MYO9B: variants seen among roughly 807,000 people sequenced by gnomAD.
MYO9B encodes the protein unconventional myosin-IXb.
A neutral mutation model predicts 229.5 loss-of-function variants in MYO9B; 71 were observed. The observed-to-expected ratio is 0.31, with a 90% CI of 0.26 to 0.38. The LOEUF (loss-of-function observed/expected upper bound fraction) is 0.38. Among genes scored for constraint, MYO9B ranks in the 10% least tolerant of loss-of-function variants. MYO9B has a pLI of 1.00. For synonymous variants in MYO9B, 1,185 were observed against 1,235.8 expected (o/e 0.96, Z 0.86); for missense variants, 2,255 against 2,920.5 (o/e 0.77, Z 5.25).
chr19:17,176,916 G>T (rs1374183664), intron 14 of MYO9B, among the ~76,000 whole-genome samples: 1 of 152,178 alleles, frequency 6.6e-6, no homozygotes, highest in Non-Finnish European at 1.5e-5. Flanking sequence ...AAGTGAGCAG[G>T]CTGGCCAGAC....
chr19:17,099,739 A>G lies in MYO9B; in HGVS notation c.-58-1921A>G, dbSNP rs539276502. Among the ~76,000 whole-genome samples, 11 of 149,974 alleles carry G rather than the reference A, an allele frequency of 7.3e-5. No homozygotes were observed. The South Asian group carries it at 2.4e-3, about 32-fold the overall frequency. On this transcript the variant is annotated intron_variant, in intron 1 of 39. Transcript: ENST00000682292. ...AGGCTGAGGCAGGAGAATGGCGTGA[A>G]CCCGGGAGGCGGAGCTTGCAGTGAG...
Position 17,154,084 on chromosome 19 carries a change from C to T in MYO9B, c.1098+18C>T, listed in dbSNP as rs373714530. 47 of 1,584,632 alleles carry T rather than the reference C, an allele frequency of 3.0e-5. 1 individual carries two copies. The highest frequency in any genetic ancestry group is 2.8e-4 in the South Asian group (25 of 89,708). Reference sequence around the variant, plus strand: ...TCAACCAGGTAAACAGCCTCAAGCCCGAGCCACAAACGCCACCTCTGTTCC... The same window carrying T: ...TCAACCAGGTAAACAGCCTCAAGCCTGAGCCACAAACGCCACCTCTGTTCC... On this transcript the variant is annotated intron_variant, in intron 5 of 39. Coordinates refer to ENST00000682292, the MANE Select transcript of MYO9B (RefSeq NM_004145.4).
intron 11 of MYO9B, among the ~76,000 whole-genome samples, chr19:17,169,313 A>C (rs1018068491): frequency 7.0e-6 from 1 of 143,614 alleles, no homozygotes; most frequent in Admixed American, 7.4e-5. Flanking sequence ...CGGAGGTTGC[A>C]GTGAGCGGAG....
intron 2 of MYO9B, among the ~76,000 whole-genome samples, chr19:17,105,718 A>G (rs2057786750): frequency 6.6e-6 from 1 of 152,222 alleles, no homozygotes; most frequent in South Asian, 2.1e-4. Context: ...GAGGGCTGCC[A>G]TGCAAATTCA....
At chr19:17,077,583 T>C (rs1213326638) in intron 1 of MYO9B, among the ~76,000 whole-genome samples, 1 of 152,178 alleles carries the variant, frequency 6.6e-6, no homozygotes, top group Non-Finnish European at 1.5e-5. Flanking sequence ...GGGAGCACTG[T>C]GTTGGAGATC....
chr19:17,117,387 T>C (rs1029808343), intron 2 of MYO9B, among the ~76,000 whole-genome samples: 1 of 152,212 alleles, frequency 6.6e-6, no homozygotes, highest in African/African-American at 2.4e-5. Flanking sequence ...AACCAGCTCC[T>C]GAAACCAGTC....
chr19:17,202,406 AC>A (rs1304037038), intron 28 of MYO9B, 103 bp downstream of exon 28: 55 of 1,170,552 alleles, frequency 4.7e-5, no homozygotes, highest in Non-Finnish European at 6.5e-5. Flanking sequence ...CTTATGCCAC[AC>A]CCACCCATGC....
At position 17,167,154 on chromosome 19, in the gene MYO9B, G is replaced by A. The variant is rs138659611; in HGVS notation, c.1672-789G>A. 1.3e-3 allele frequency among the ~76,000 whole-genome samples: 197 copies of A among 150,112 alleles called. 1 individual carries two copies. Among genetic ancestry groups the A allele is most frequent in the Middle Eastern group, 7.1e-3 (2 of 282 alleles). On this transcript the variant is annotated intron_variant, in intron 10 of 39. Coordinates refer to ENST00000682292, the MANE Select transcript of MYO9B (RefSeq NM_004145.4). The stretch of plus-strand genomic sequence containing the variant: ...CAAAATCTGAAATGCTTCAATGAGC[G>A]TTGTCTTTGAGCATCACATAACATT...
chr19:17,159,976 C>T (rs1336146629), intron 8 of MYO9B, among the ~76,000 whole-genome samples: 10 of 152,140 alleles, frequency 6.6e-5, no homozygotes, highest in Admixed American at 6.6e-4. Flanking sequence ...ACACTGACTA[C>T]CCTTATGTAA....
intron 1 of MYO9B, among the ~76,000 whole-genome samples, chr19:17,083,159 C>G (rs993508508): frequency 2.0e-5 from 3 of 151,672 alleles, no homozygotes; most frequent in African/African-American, 7.3e-5. Context: ...CTCATTCTCC[C>G]TAGTAGCTTG....
At chr19:17,151,749 TCTACAAAAA>T (rs1043944175) in intron 3 of MYO9B, among the ~76,000 whole-genome samples, 7 of 152,086 alleles carry the variant, frequency 4.6e-5, no homozygotes, top group African/African-American at 1.2e-4. Flanking sequence ...AAATCCCATC[TCTACAAAAA>T]CTACAAAAAC....
chr19:17,102,182 C>T lies in MYO9B; in HGVS notation c.465C>T (p.Pro155=), dbSNP rs3745349. 0.17 allele frequency: 275,543 copies of T among 1,613,702 alleles called. 25,463 individuals carry two copies. The highest frequency in any genetic ancestry group is 0.19 in the Non-Finnish European group (228,360 of 1,179,802). The change falls in exon 2 of 40, where the codon CCC becomes CCT. Residue 155 remains proline, a synonymous_variant. Coordinates refer to ENST00000682292, the MANE Select transcript of MYO9B (RefSeq NM_004145.4). ...QADFDDLCNL[P]ELTEGNLLKN... ...ACTTTGATGACCTGTGTAACCTCCC[C>T]GAGCTAACCGAGGGCAACCTCCTGA...
chr19:17,089,180 T>C (rs1446320401), intron 1 of MYO9B, among the ~76,000 whole-genome samples: 1 of 152,006 alleles, frequency 6.6e-6, no homozygotes, highest in African/African-American at 2.4e-5. Context: ...GTCCTCCCAC[T>C]CTGAGCCACC....
chr19:17,109,680 C>G (rs529986543), intron 2 of MYO9B, among the ~76,000 whole-genome samples: 257 of 152,316 alleles, frequency 1.7e-3, no homozygotes, highest in Non-Finnish European at 3.3e-3. Context: ...AGGCCTCTCT[C>G]CCGGGTTCTG....
At chr19:17,082,087 T>G (rs1015835524) in intron 1 of MYO9B, among the ~76,000 whole-genome samples, 3 of 152,154 alleles carry the variant, frequency 2.0e-5, no homozygotes, top group Admixed American at 1.3e-4. Context: ...CAAAAGAAGT[T>G]TCTGGAAGGT....
At chr19:17,182,325 C>T (rs143091007) in intron 15 of MYO9B, among the ~76,000 whole-genome samples, 1,730 of 152,022 alleles carry the variant, frequency 0.011, 74 homozygotes, top group East Asian at 0.1. Flanking sequence ...TGGGCTCAAG[C>T]GATCTTCCTG....
chr19:17,115,490 AT>A (rs2057893487), intron 2 of MYO9B, among the ~76,000 whole-genome samples: 1 of 146,432 alleles, frequency 6.8e-6, no homozygotes, highest in Non-Finnish European at 1.5e-5. Flanking sequence ...TTTTTTTGAA[AT>A]GGAGTCTTGC....
At chr19:17,135,016 G>A (rs953068442) in intron 2 of MYO9B, among the ~76,000 whole-genome samples, 4 of 152,172 alleles carry the variant, frequency 2.6e-5, no homozygotes, top group Admixed American at 1.3e-4. Flanking sequence ...TGCCCACCCC[G>A]GCCTCCCAAA....
chr19:17,107,129 G>A (rs1394826654), intron 2 of MYO9B, among the ~76,000 whole-genome samples: 1 of 152,092 alleles, frequency 6.6e-6, no homozygotes, highest in African/African-American at 2.4e-5. Flanking sequence ...TCAGCTCTCA[G>A]GAGCTTGAAG....
Sources: gnomAD v4.1 joint callset for allele counts (sites outside exome capture counted in the v4.1 genomes callset) on GRCh38, gnomAD v4.1.1 for gene constraint, MANE v1.5 for transcripts, NCBI Gene and HGNC (gene_info 2026-07-23, HGNC 2026-07-21) for gene names.